The following CDK5RAP2 variants were observed in gnomAD, a reference collection of about 807,000 sequenced individuals.
CDK5RAP2 encodes the protein CDK5 regulatory subunit associated protein 2, also known as CDK5 regulatory subunit-associated protein 2.
CDK5RAP2 carries 147 observed loss-of-function variants against 232.9 expected under a neutral mutation model. That is an observed-to-expected ratio of 0.63 (90% CI 0.55 to 0.72). The LOEUF (loss-of-function observed/expected upper bound fraction) is 0.72. CDK5RAP2 is among the 30% of genes least tolerant of loss of function. The probability of loss-of-function intolerance (pLI) is 0.00; values close to 1 mark genes in which losing one functional copy is unlikely to be tolerated. For synonymous variants in CDK5RAP2, 833 were observed against 833.7 expected (o/e 1.00, Z 0.01); for missense variants, 2,195 against 2,231.5 (o/e 0.98, Z 0.33).
At chr9:120,434,779 C>G (rs938326979) in intron 25 of CDK5RAP2, among the ~76,000 whole-genome samples, 1 of 152,100 alleles carries the variant, frequency 6.6e-6, no homozygotes, top group Non-Finnish European at 1.5e-5. Flanking sequence ...GCAGTCTGAG[C>G]AAGATGAAGA....
intron 21 of CDK5RAP2, among the ~76,000 whole-genome samples, chr9:120,450,730 A>T (rs1188394008): frequency 6.6e-6 from 1 of 152,228 alleles, no homozygotes; most frequent in Admixed American, 6.5e-5. Context: ...GCATTCCCAG[A>T]ACTCACAGGA....
In CDK5RAP2 at chr9:120,579,910, C is replaced by A. The variant is rs758415490; in HGVS notation, c.59+10G>T. ...CCCGGTTACCACGACCACCAATGCC[C>A]CGGCCGCACCTGCAGCCGCTGAGCG... On this transcript the variant is annotated intron_variant, in intron 1 of 37. Transcript: ENST00000349780. 21 of 1,610,420 alleles carry A rather than the reference C, an allele frequency of 1.3e-5. No individual in the cohort carries two copies. Among genetic ancestry groups the A allele is most frequent in the Admixed American group, 1.7e-5 (1 of 60,018 alleles).
At chr9:120,542,281 G>T (rs1400874343) in intron 5 of CDK5RAP2, among the ~76,000 whole-genome samples, 1 of 152,148 alleles carries the variant, frequency 6.6e-6, no homozygotes, top group Non-Finnish European at 1.5e-5. Context: ...ATGCAGGGGG[G>T]ATCACCTGAG....
intron 7 of CDK5RAP2, among the ~76,000 whole-genome samples, chr9:120,530,628 C>T (rs1330133681): frequency 6.6e-6 from 1 of 152,012 alleles, no homozygotes; most frequent in Non-Finnish European, 1.5e-5. Context: ...CAATGACACA[C>T]TGGATTAAGA....
chr9:120,572,586 T>G (rs898127395), intron 1 of CDK5RAP2, among the ~76,000 whole-genome samples: 3 of 152,204 alleles, frequency 2.0e-5, no homozygotes, highest in African/African-American at 7.2e-5. Context: ...AGAAGTTGTC[T>G]TGGTTGAATT....
chr9:120,436,668 C>T (rs536165986), intron 25 of CDK5RAP2, among the ~76,000 whole-genome samples: 3 of 152,012 alleles, frequency 2.0e-5, no homozygotes, highest in South Asian at 2.1e-4. Context: ...TAATAGAGCG[C>T]GTGTGTGTAC....
intron 28 of CDK5RAP2, 93 bp from the exon 29 acceptor site, chr9:120,411,567 C>T (rs758205645): frequency 2.7e-5 from 20 of 739,148 alleles, no homozygotes; most frequent in Non-Finnish European, 3.9e-5. Flanking sequence ...AAAGAGTTAA[C>T]ACAACATACA....
intron 25 of CDK5RAP2, among the ~76,000 whole-genome samples, chr9:120,435,538 T>A (rs987252262): frequency 4.6e-5 from 7 of 151,748 alleles, no homozygotes; most frequent in African/African-American, 1.7e-4. Context: ...GATACCCTCG[T>A]AGCAATGAAC....
At chr9:120,472,960 A>G (rs1423139814) in intron 15 of CDK5RAP2, among the ~76,000 whole-genome samples, 1 of 152,242 alleles carries the variant, frequency 6.6e-6, no homozygotes, top group African/African-American at 2.4e-5. Flanking sequence ...CCACATGGCT[A>G]GTGGCTACTG....
chr9:120,443,568 T>C (rs2036016816), intron 23 of CDK5RAP2, 52 bp downstream of exon 23: 1 of 1,599,804 alleles, frequency 6.3e-7, no homozygotes, highest in Non-Finnish European at 8.6e-7. Flanking sequence ...AACATCCAAA[T>C]GGTGCCTGGC....
intron 3 of CDK5RAP2, among the ~76,000 whole-genome samples, chr9:120,564,281 C>A (rs1394549477): frequency 2.6e-5 from 4 of 152,090 alleles, no homozygotes; most frequent in African/African-American, 9.6e-5. Context: ...TCCTGGCTAA[C>A]ATGGTGAGAC....
rs1564239262 is a variant in CDK5RAP2 at position 120,453,522 on chromosome 9, T to C, written c.2727A>G (p.Pro909=). The C allele has an allele frequency of 6.2e-7, 1 of 1,614,022 alleles. No individual in the cohort carries two copies. Among genetic ancestry groups the C allele is most frequent in the Non-Finnish European group, 8.5e-7 (1 of 1,179,954 alleles). Residue 909 remains proline, a synonymous_variant, in exon 21 of 38, where the codon CCA becomes CCG. Coordinates refer to ENST00000349780, the MANE Select transcript of CDK5RAP2 (RefSeq NM_018249.6). The part of the protein sequence containing the change: ...INTALSAEHR[P]ENLHGVPGWQ... ...ACCCAGGCACCCCGTGCAGGTTCTCTGGCCGATGCTCTGCGCTGAGTGCAG... is the reference window on the plus strand; with the variant it reads ...ACCCAGGCACCCCGTGCAGGTTCTCCGGCCGATGCTCTGCGCTGAGTGCAG...
chr9:120,466,716 A>G (rs553226285), intron 18 of CDK5RAP2, among the ~76,000 whole-genome samples: 1 of 152,322 alleles, frequency 6.6e-6, no homozygotes, highest in South Asian at 2.1e-4. Flanking sequence ...GCTAAGATCA[A>G]TAATGTTCCC....
intron 1 of CDK5RAP2, among the ~76,000 whole-genome samples, chr9:120,572,753 C>G (rs1311005244): frequency 6.6e-6 from 1 of 152,206 alleles, no homozygotes; most frequent in African/African-American, 2.4e-5. Flanking sequence ...ATGAGTACAG[C>G]AGCTACCTCA....
At chr9:120,473,928 G>A (rs1361877365) in intron 15 of CDK5RAP2, among the ~76,000 whole-genome samples, 1 of 152,210 alleles carries the variant, frequency 6.6e-6, no homozygotes. Flanking sequence ...TTTTCAAGGT[G>A]TGAGGAGTTG....
intron 3 of CDK5RAP2, among the ~76,000 whole-genome samples, chr9:120,552,163 C>A (rs1046012241): frequency 3.2e-4 from 49 of 151,888 alleles, no homozygotes; most frequent in African/African-American, 1.2e-3. Context: ...ACACCAGTTA[C>A]AATGGCAATC....
At chr9:120,529,901 C>T in intron 8 of CDK5RAP2, 77 bp downstream of exon 8, 1 of 1,376,458 alleles carries the variant, frequency 7.3e-7, no homozygotes, top group Admixed American at 1.7e-5. Flanking sequence ...ACCATGAGGA[C>T]CGAATGCGCA....
chr9:120,467,447 A>G lies in CDK5RAP2; in HGVS notation c.2106+413T>C, dbSNP rs540402761. On this transcript the variant is annotated intron_variant, in intron 18 of 37. Coordinates refer to ENST00000349780, the MANE Select transcript of CDK5RAP2 (RefSeq NM_018249.6). ...GAGGAAGCCTGTGGACAGACCTGCC[A>G]GCCTAGTGGGGCTCTCAATACCCAG... Among the ~76,000 whole-genome samples, 84 of 152,266 alleles carry G rather than the reference A, an allele frequency of 5.5e-4. 1 individual carries two copies. Among genetic ancestry groups the G allele is most frequent in the African/African-American group, 1.7e-3 (72 of 41,552 alleles).
At chr9:120,554,837 T>C (rs2132081958) in intron 3 of CDK5RAP2, among the ~76,000 whole-genome samples, 1 of 152,254 alleles carries the variant, frequency 6.6e-6, no homozygotes, top group South Asian at 2.1e-4. Flanking sequence ...TTCACCATGT[T>C]GGCCAGGCTG....
Sources: gnomAD v4.1 joint callset for allele counts (sites outside exome capture counted in the v4.1 genomes callset) on GRCh38, gnomAD v4.1.1 for gene constraint, MANE v1.5 for transcripts, NCBI Gene and HGNC (gene_info 2026-07-23, HGNC 2026-07-21) for gene names.